Variants in TRIM38 observed in about 807,000 individuals in gnomAD.
The protein encoded by TRIM38 is tripartite motif containing 38.
Under a neutral mutation model 35.8 loss-of-function variants are expected in TRIM38, and 35 were observed. That is an observed-to-expected ratio of 0.98 (90% confidence interval 0.75 to 1.30). TRIM38 has a LOEUF of 1.30. Among genes scored for constraint, TRIM38 ranks in the 50% most tolerant of loss-of-function variants. TRIM38 has a pLI of 0.00. For missense variants in TRIM38, 545 were observed against 556.9 expected, an observed-to-expected ratio of 0.98 and a Z score of 0.21; for synonymous variants, 198 against 204.7, an observed-to-expected ratio of 0.97 and a Z score of 0.28.
At position 25,989,008 on chromosome 6, in the gene TRIM38, T is replaced by C. The variant is rs1435639550; in HGVS notation, c.*5321T>C. 6.6e-6 allele frequency: 1 copy of C among 152,218 alleles called. No homozygotes were observed. Among genetic ancestry groups the C allele is most frequent in the Non-Finnish European group, 1.5e-5 (1 of 68,038 alleles). 9.4% of individuals were successfully genotyped at this position (152,218 alleles called of 1,614,324 possible). A position where few individuals can be genotyped will look rare whatever the true frequency, so the allele number is the denominator to read the frequency against. On this transcript the variant is annotated 3_prime_UTR_variant, in exon 8 of 8. Transcript: ENST00000357085. ...CTGTCTTCCAAAGTGATTGCACATTTTGCATTCTCACCAGTAATGAACAAG... is the reference window on the plus strand; with the variant it reads ...CTGTCTTCCAAAGTGATTGCACATTCTGCATTCTCACCAGTAATGAACAAG...
chr6:25,969,495 G>A, intron 4 of TRIM38, 75 bp downstream of exon 4: 1 of 1,233,676 alleles, frequency 8.1e-7, no homozygotes, highest in Non-Finnish European at 1.1e-6. Context: ...TTGAGGAAAA[G>A]CACAATGAGG....
In TRIM38 at chr6:25,985,170, T is replaced by C. The variant is rs1760676772; in HGVS notation, c.*1483T>C. On this transcript the variant is annotated 3_prime_UTR_variant, in exon 8 of 8. Coordinates refer to ENST00000357085, the MANE Select transcript of TRIM38 (RefSeq NM_006355.5). ...ACAAACACCTCTGCCCTCTCCCTATTTGCCTAAAAGCAGGATATGAAATTG... is the reference window on the plus strand; with the variant it reads ...ACAAACACCTCTGCCCTCTCCCTATCTGCCTAAAAGCAGGATATGAAATTG... 1 of 152,062 alleles carries C rather than the reference T, an allele frequency of 6.6e-6. No homozygotes were observed. The highest frequency in any genetic ancestry group is 2.4e-5 in the African/African-American group (1 of 41,392). The allele number at this position is 152,062 out of a possible 1,614,324, so 9.4% of individuals were successfully genotyped here.
At chr6:25,983,053 C>T in intron 7 of TRIM38, 111 bp from the exon 8 acceptor site, 1 of 1,057,068 alleles carries the variant, frequency 9.5e-7, no homozygotes, top group East Asian at 2.6e-5. Flanking sequence ...AGTGCCAGTG[C>T]ACTCCAGCCT....
At chr6:25,965,227 A>G (rs1426420052) in intron 2 of TRIM38, among the ~76,000 whole-genome samples, 1 of 152,200 alleles carries the variant, frequency 6.6e-6, no homozygotes, top group Non-Finnish European at 1.5e-5. Flanking sequence ...CACTTGGTCC[A>G]AGGTAACTTT....
chr6:25,984,495 T>C lies in TRIM38; in HGVS notation c.*808T>C, dbSNP rs114233662. ...GACCAAATTACCATACCCGAGTGAG[T>C]AATGACAGGACTACAACTAAAACAT... On this transcript the variant is annotated 3_prime_UTR_variant, in exon 8 of 8. Coordinates refer to ENST00000357085, the MANE Select transcript of TRIM38 (RefSeq NM_006355.5). 0.02 allele frequency: 2,976 copies of C among 152,342 alleles called. 51 individuals carry two copies. Among genetic ancestry groups the C allele is most frequent in the African/African-American group, 0.047 (1,935 of 41,530 alleles). The allele number at this position is 152,342 out of a possible 1,614,324, so 9.4% of individuals were successfully genotyped here. A position where few individuals can be genotyped will look rare whatever the true frequency, so the allele number is the denominator to read the frequency against.
chr6:25,976,182 A>G (rs573150515), intron 7 of TRIM38, among the ~76,000 whole-genome samples: 1 of 152,314 alleles, frequency 6.6e-6, no homozygotes, highest in South Asian at 2.1e-4. Flanking sequence ...GTAGGATCTC[A>G]TAACTAGAAG....
chr6:25,971,757 C>T, intron 4 of TRIM38, 112 bp from the exon 5 acceptor site: 1 of 926,498 alleles, frequency 1.1e-6, no homozygotes, highest in East Asian at 2.6e-5. Context: ...TGAATGTCTT[C>T]AAGGCTTGTC....
intron 4 of TRIM38, among the ~76,000 whole-genome samples, chr6:25,969,632 T>C (rs1760166422): frequency 6.6e-6 from 1 of 152,194 alleles, no homozygotes; most frequent in African/African-American, 2.4e-5. Context: ...CTTTAAACTG[T>C]AGTTGGCTGG....
Position 25,983,554 on chromosome 6 carries a change from T to C in TRIM38, c.1265T>C (p.Val422Ala). 2 of 1,613,916 alleles carry C rather than the reference T, an allele frequency of 1.2e-6. No individual in the cohort carries two copies. ...VGIFLDYEAG[V>A]VSFYNGNTGC... ...ATTTTTCTGGACTATGAGGCCGGAG[T>C]TGTATCCTTTTATAACGGGAATACT... The change falls in exon 8 of 8, where the codon GTT becomes GCT. Residue 422 changes from valine to alanine, a missense_variant. By Grantham distance (64) the Val-to-Ala change is moderately conservative. Transcript: ENST00000357085.
intron 2 of TRIM38, among the ~76,000 whole-genome samples, chr6:25,965,720 T>TTGAGACCATC (rs1237738370): frequency 5.1e-5 from 2 of 38,882 alleles, no homozygotes; most frequent in Non-Finnish European, 8.9e-5. Flanking sequence ...GGTCAAGAGA[T>TTGAGACCATC]CGAGCCAACC....
At chr6:25,964,597 C>G (rs1316986902) in intron 2 of TRIM38, among the ~76,000 whole-genome samples, 1 of 152,096 alleles carries the variant, frequency 6.6e-6, no homozygotes, top group East Asian at 1.9e-4. Context: ...AACAATTGTT[C>G]TTCTTGTCTA....
intron 3 of TRIM38, among the ~76,000 whole-genome samples, chr6:25,968,388 A>G (rs188154749): frequency 6.6e-6 from 1 of 152,290 alleles, no homozygotes; most frequent in East Asian, 1.9e-4. Flanking sequence ...CACGTTACTT[A>G]ATGTCTTCAC....
Position 25,964,099 on chromosome 6 carries a change from G to A in TRIM38, c.-189+817G>A, listed in dbSNP as rs182303880. On this transcript the variant is annotated intron_variant, in intron 2 of 7. Transcript: ENST00000357085. ...TCACTGAAAAATCGACTCACAAAAG[G>A]CAGGCTAATTGGAGAAAAGGCATAC... Among the ~76,000 whole-genome samples, 48 of 152,056 alleles carry A rather than the reference G, an allele frequency of 3.2e-4. 1 individual carries two copies. Among genetic ancestry groups the A allele is most frequent in the Admixed American group, 2.7e-3 (41 of 15,296 alleles).
intron 2 of TRIM38, among the ~76,000 whole-genome samples, chr6:25,964,843 G>C (rs1019654016): frequency 6.9e-6 from 1 of 144,996 alleles, no homozygotes; most frequent in Non-Finnish European, 1.5e-5. Context: ...ACAGATTCTC[G>C]CTCTTTCACC....
intron 7 of TRIM38, among the ~76,000 whole-genome samples, chr6:25,982,305 C>T (rs1278815195): frequency 6.6e-6 from 1 of 152,214 alleles, no homozygotes; most frequent in South Asian, 2.1e-4. Flanking sequence ...AAATGCTAAA[C>T]TGTCACAGCT....
intron 2 of TRIM38, among the ~76,000 whole-genome samples, chr6:25,963,733 T>C (rs1759924064): frequency 6.6e-6 from 1 of 152,174 alleles, no homozygotes; most frequent in African/African-American, 2.4e-5. Flanking sequence ...ACAAAAAGGA[T>C]AAACCGGTTC....
chr6:25,977,143 G>C (rs1168663988), intron 7 of TRIM38, among the ~76,000 whole-genome samples: 1 of 152,180 alleles, frequency 6.6e-6, no homozygotes, highest in East Asian at 1.9e-4. Flanking sequence ...TCAAAATTAA[G>C]TAGACACATT....
In TRIM38 at chr6:25,966,876, A is replaced by G; in HGVS notation, c.354A>G (p.Ala118=). Residue 118 remains alanine, a synonymous_variant, in exon 3 of 8, where the codon GCA becomes GCG. Coordinates refer to ENST00000357085, the MANE Select transcript of TRIM38 (RefSeq NM_006355.5). ...GQLICWRCER[A]PQHKGHTTAL... is the part of the protein sequence containing the mutation. ...TCATCTGCTGGCGCTGTGAGCGGGC[A>G]CCACAGCACAAAGGGCACACCACAG... 6.2e-7 allele frequency: 1 copy of G among 1,614,180 alleles called. No homozygotes were observed. Among genetic ancestry groups the G allele is most frequent in the Non-Finnish European group, 8.5e-7 (1 of 1,179,998 alleles).
chr6:25,979,520 T>C (rs1760487632), intron 7 of TRIM38, among the ~76,000 whole-genome samples: 1 of 152,084 alleles, frequency 6.6e-6, no homozygotes, highest in South Asian at 2.1e-4. Flanking sequence ...TAAGATTTAT[T>C]ATAAAGTTCT....
Sources: allele counts gnomAD v4.1 joint callset (sites outside exome capture counted in the v4.1 genomes callset), GRCh38; gene constraint gnomAD v4.1.1; transcripts MANE v1.5; gene names NCBI Gene and HGNC (gene_info 2026-07-23, HGNC 2026-07-21).